SGCZ: variants seen among roughly 807,000 people sequenced by gnomAD.
The protein encoded by SGCZ is sarcoglycan zeta, also known as zeta-sarcoglycan.
SGCZ carries 40 observed loss-of-function variants against 41.3 expected under a neutral mutation model. The observed-to-expected ratio is 0.97, with a 90% CI of 0.75 to 1.26. The LOEUF (loss-of-function observed/expected upper bound fraction) is 1.26. Among genes scored for constraint, SGCZ ranks in the 50% most tolerant of loss-of-function variants. The pLI is 0.00. For synonymous variants in SGCZ, 206 were observed against 137.5 expected (o/e 1.50, Z -3.49); for missense variants, 552 against 369.8 (o/e 1.49, Z -4.04).
At chr8:15,108,618 G>A (rs138726074) in intron 1 of SGCZ, among the ~76,000 whole-genome samples, 16 of 152,268 alleles carry the variant, frequency 1.1e-4, no homozygotes, top group African/African-American at 3.6e-4. Context: ...GGATTGATCA[G>A]GAGGTTTAAA....
chr8:14,141,808 A>G (rs1297817320), intron 5 of SGCZ, among the ~76,000 whole-genome samples: 2 of 152,204 alleles, frequency 1.3e-5, no homozygotes, highest in Non-Finnish European at 2.9e-5. Flanking sequence ...CAGCCATCCC[A>G]TTACTGGGTA....
intron 1 of SGCZ, among the ~76,000 whole-genome samples, chr8:14,732,348 C>T (rs1405815727): frequency 6.6e-6 from 1 of 152,190 alleles, no homozygotes; most frequent in Admixed American, 6.5e-5. Context: ...CCAGAGGCCT[C>T]CTCACTTCCA....
rs61931250 is a variant in SGCZ at position 14,095,710 on chromosome 8, C to T, written c.745-5073G>A. ...ACTTTGGGTAGTATGGCCATTTTCACGATAATGTTTCTTCTTATCCATGAG... is the reference window on the plus strand; with the variant it reads ...ACTTTGGGTAGTATGGCCATTTTCATGATAATGTTTCTTCTTATCCATGAG... On this transcript the variant is annotated intron_variant, in intron 7 of 7. Coordinates refer to ENST00000382080, the MANE Select transcript of SGCZ (RefSeq NM_139167.4). Among the ~76,000 whole-genome samples the T allele has an allele frequency of 4.9e-4, 75 of 152,236 alleles. 1 individual carries two copies. Among genetic ancestry groups the T allele is most frequent in the African/African-American group, 1.5e-3 (62 of 41,550 alleles).
chr8:14,544,928 T>A (rs571349458), intron 2 of SGCZ, among the ~76,000 whole-genome samples: 1 of 152,250 alleles, frequency 6.6e-6, no homozygotes, highest in Non-Finnish European at 1.5e-5. Flanking sequence ...TTTTTGCCCT[T>A]TGAAGCATGT....
chr8:14,615,514 TTTTTC>T (rs1406383714), intron 1 of SGCZ, among the ~76,000 whole-genome samples: 7 of 152,184 alleles, frequency 4.6e-5, no homozygotes, highest in Non-Finnish European at 1.0e-4. Context: ...TTGTCTAAAG[TTTTTC>T]TTTTAACAAG....
intron 1 of SGCZ, among the ~76,000 whole-genome samples, chr8:15,206,126 C>T (rs1266165398): frequency 6.6e-6 from 1 of 152,128 alleles, no homozygotes; most frequent in Non-Finnish European, 1.5e-5. Context: ...AATAAACCAC[C>T]ATGACATGAG....
chr8:14,555,970 T>A (rs1479087409), intron 1 of SGCZ, among the ~76,000 whole-genome samples: 2 of 152,044 alleles, frequency 1.3e-5, no homozygotes, highest in African/African-American at 4.8e-5. Flanking sequence ...CATAATGTAA[T>A]GAAATTAGAA....
At chr8:14,267,115 T>G (rs56991363) in intron 3 of SGCZ, among the ~76,000 whole-genome samples, 1,886 of 152,210 alleles carry the variant, frequency 0.012, 38 homozygotes, top group African/African-American at 0.043. Flanking sequence ...TAGATAATAG[T>G]CCTTTTATCT....
intron 1 of SGCZ, among the ~76,000 whole-genome samples, chr8:15,150,532 G>A (rs1414843167): frequency 6.6e-6 from 1 of 152,098 alleles, no homozygotes; most frequent in East Asian, 1.9e-4. Context: ...AGAGTTGACT[G>A]GAACAAGGTT....
intron 2 of SGCZ, among the ~76,000 whole-genome samples, chr8:14,425,606 G>C (rs1799759177): frequency 4.0e-5 from 6 of 150,702 alleles, no homozygotes; most frequent in Admixed American, 2.7e-4. Flanking sequence ...GGTTGACAGA[G>C]GGAGAATCCC....
chr8:15,091,704 G>T (rs1189486237), intron 1 of SGCZ, among the ~76,000 whole-genome samples: 1 of 152,066 alleles, frequency 6.6e-6, no homozygotes, highest in Non-Finnish European at 1.5e-5. Flanking sequence ...GAGACCCATT[G>T]TTATAGACAT....
intron 2 of SGCZ, among the ~76,000 whole-genome samples, chr8:14,507,690 GT>G (rs1333117364): frequency 6.6e-6 from 1 of 151,394 alleles, no homozygotes; most frequent in Non-Finnish European, 1.5e-5. Flanking sequence ...AATTCTTCAA[GT>G]TTTCTATGCT....
At chr8:15,225,308 CAAAA>C (rs57670651) in intron 1 of SGCZ, among the ~76,000 whole-genome samples, 2 of 149,536 alleles carry the variant, frequency 1.3e-5, no homozygotes, top group African/African-American at 2.5e-5. Flanking sequence ...TATAGGAACA[CAAAA>C]AAAAAGATAT....
chr8:14,235,251 G>C (rs573086979), intron 4 of SGCZ, among the ~76,000 whole-genome samples: 6 of 152,168 alleles, frequency 3.9e-5, no homozygotes, highest in Non-Finnish European at 7.4e-5. Flanking sequence ...GTCTTCTTTT[G>C]TTCTATGTTC....
intron 1 of SGCZ, among the ~76,000 whole-genome samples, chr8:14,892,240 G>C (rs1310456433): frequency 6.6e-6 from 1 of 152,148 alleles, no homozygotes; most frequent in South Asian, 2.1e-4. Context: ...TAGGCCTTCA[G>C]GTAATGTAAC....
intron 5 of SGCZ, among the ~76,000 whole-genome samples, chr8:14,142,976 A>G (rs934221051): frequency 6.7e-6 from 1 of 148,630 alleles, no homozygotes; most frequent in African/African-American, 2.5e-5. Flanking sequence ...CCGTGAGCCA[A>G]TAAAACGTTT....
At chr8:14,269,332 A>G (rs1408988122) in intron 3 of SGCZ, among the ~76,000 whole-genome samples, 3 of 152,188 alleles carry the variant, frequency 2.0e-5, no homozygotes, top group Non-Finnish European at 4.4e-5. Flanking sequence ...TATTAGAAGC[A>G]GTGCTAATAT....
chr8:14,097,781 G>C (rs931404509), intron 7 of SGCZ, among the ~76,000 whole-genome samples: 1 of 152,146 alleles, frequency 6.6e-6, no homozygotes, highest in East Asian at 1.9e-4. Context: ...CCTGTTTTGG[G>C]TGCATATATA....
At chr8:14,815,537 C>T (rs1174823317) in intron 1 of SGCZ, among the ~76,000 whole-genome samples, 4 of 152,096 alleles carry the variant, frequency 2.6e-5, no homozygotes, top group Non-Finnish European at 5.9e-5. Context: ...ACTATGAATT[C>T]TTTAGACATT....
Sources: gnomAD v4.1 joint callset for allele counts (sites outside exome capture counted in the v4.1 genomes callset) on GRCh38, gnomAD v4.1.1 for gene constraint, MANE v1.5 for transcripts, NCBI Gene and HGNC (gene_info 2026-07-23, HGNC 2026-07-21) for gene names.